The following SERPINB5 variants were observed in gnomAD, a reference collection of about 807,000 sequenced individuals.
The protein encoded by SERPINB5 is serpin family B member 5.
In SERPINB5, 27 loss-of-function variants were observed where a neutral mutation model predicts 32.2. That is an observed-to-expected ratio of 0.84 (90% CI 0.62 to 1.16). The LOEUF (loss-of-function observed/expected upper bound fraction) is 1.16, where lower values mean the gene tolerates loss of function less well. Ranked by LOEUF, SERPINB5 falls within the 50% of genes most tolerant of loss-of-function variation. SERPINB5 has a pLI of 0.00. For synonymous variants in SERPINB5, 154 were observed against 157.4 expected (o/e 0.98, Z 0.16); for missense variants, 388 against 436.3 (o/e 0.89, Z 0.99).
intron 2 of SERPINB5, 145 bp downstream of exon 2, chr18:63,484,741 C>CTTTTTT (rs869236018): frequency 0.011 from 1,147 of 108,070 alleles, 55 homozygotes; most frequent in African/African-American, 0.034. Flanking sequence ...CTCTCTTAAT[C>CTTTTTT]TTTTTTTTTT....
rs540907868 is a variant in SERPINB5 at position 63,498,411 on chromosome 18, G to A, written c.568-709G>A. On this transcript the variant is annotated intron_variant, in intron 5 of 6. Coordinates refer to ENST00000382771, the MANE Select transcript of SERPINB5 (RefSeq NM_002639.5). This position sits in a 1 kb window ranked among gnomAD's most constrained non-coding sequence, Gnocchi z 4.2. The stretch of plus-strand genomic sequence containing the variant: ...ATTAGGCATTTTATTAGGAAAAGCC[G>A]TATAAATGGTTATGTGGGTTTGCAG... Among the ~76,000 whole-genome samples, 21 of 152,254 alleles carry A rather than the reference G, an allele frequency of 1.4e-4. No homozygotes were observed. The South Asian group carries it at 2.5e-3, about 18-fold the overall frequency.
chr18:63,496,661 G>A (rs1285669688), intron 5 of SERPINB5, among the ~76,000 whole-genome samples: 3 of 152,210 alleles, frequency 2.0e-5, no homozygotes, highest in Non-Finnish European at 2.9e-5. Flanking sequence ...CAAGTTTACT[G>A]GAGTATTATC....
At chr18:63,481,519 G>T (rs367700207) in intron 1 of SERPINB5, among the ~76,000 whole-genome samples, 14 of 152,352 alleles carry the variant, frequency 9.2e-5, no homozygotes, top group East Asian at 5.8e-4. Context: ...TTATCAGTGC[G>T]ATTAGCTCTC....
chr18:63,493,141 G>A (rs372322068), intron 5 of SERPINB5, 46 bp downstream of exon 5: 2 of 1,612,998 alleles, frequency 1.2e-6, no homozygotes, highest in Non-Finnish European at 1.7e-6. Flanking sequence ...AATTATAGAT[G>A]TGAAAAATGA....
At chr18:63,493,342 C>A in intron 5 of SERPINB5, 4 of 577,118 alleles carry the variant, frequency 6.9e-6, no homozygotes, top group African/African-American at 1.9e-5. Flanking sequence ...AATTTGTAAC[C>A]CAGCGAGGAA....
intron 1 of SERPINB5, among the ~76,000 whole-genome samples, chr18:63,483,563 C>T (rs765824784): frequency 2.0e-5 from 3 of 152,182 alleles, no homozygotes; most frequent in Admixed American, 1.3e-4. Flanking sequence ...ATGACGATGT[C>T]GGCAGGGTCA....
intron 2 of SERPINB5, 99 bp from the exon 3 acceptor site, chr18:63,486,847 T>C (rs1421369269): frequency 1.6e-6 from 2 of 1,240,210 alleles, no homozygotes; most frequent in Middle Eastern, 2.0e-4. Flanking sequence ...GCAGGAGGAG[T>C]CTGTATGCCC....
chr18:63,491,408 A>ACCCCC (rs757436524), intron 4 of SERPINB5, among the ~76,000 whole-genome samples: 5 of 107,858 alleles, frequency 4.6e-5, no homozygotes, highest in Non-Finnish European at 9.6e-5. Flanking sequence ...GTCTCCCAAA[A>ACCCCC]AAAAAAAAAA....
intron 1 of SERPINB5, among the ~76,000 whole-genome samples, chr18:63,482,918 T>G (rs370891341): frequency 5.8e-5 from 8 of 138,268 alleles, no homozygotes; most frequent in African/African-American, 2.0e-4. Flanking sequence ...GTGATATTGT[T>G]TTTCATTTTT....
At position 63,489,428 on chromosome 18, in the gene SERPINB5, G is replaced by C. The variant is rs374983437; in HGVS notation, c.388G>C (p.Gly130Arg). Residue 130 changes from glycine (G) to arginine (R), a missense_variant, in exon 4 of 7, where the codon GGT (glycine) becomes CGT (arginine). Physicochemically the swap from Gly to Arg is moderately radical, Grantham distance 125 (BLOSUM62 -2). Transcript: ENST00000382771. ...DFKDKLEETK[G>R]QINNSIKDLT... ...CAAAGATAAATTGGAAGAAACGAAA[G>C]GTCAGATCAACAACTCAATTAAGGA... is the stretch of plus-strand genomic sequence containing the variant. The C allele has an allele frequency of 1.9e-5, 31 of 1,612,502 alleles. No homozygotes were observed. Among genetic ancestry groups the C allele is most frequent in the African/African-American group, 4.0e-5 (3 of 74,834 alleles).
rs554945983 is a variant in SERPINB5, at chr18:63,486,434, GAT to G, written c.169-511_169-510del. 1.4e-4 allele frequency among the ~76,000 whole-genome samples: 21 copies of G among 152,358 alleles called. No homozygotes were observed. The South Asian group carries it at 4.1e-3, about 30-fold the overall frequency. On this transcript the variant is annotated intron_variant, in intron 2 of 6. Coordinates refer to ENST00000382771, the MANE Select transcript of SERPINB5 (RefSeq NM_002639.5). ...TTGTCCTGAAATCTGATTCCTGCCT[GAT>G]GATGGTGTCTCTTGTATCAATCTCT...
intron 5 of SERPINB5, among the ~76,000 whole-genome samples, chr18:63,494,339 A>G (rs1206993053): frequency 1.3e-5 from 2 of 151,526 alleles, no homozygotes; most frequent in Non-Finnish European, 2.9e-5. Flanking sequence ...AAAAAAAAAA[A>G]AAAAAAGAAA....
At chr18:63,489,249 A>T (rs1599389447) in intron 3 of SERPINB5, 98 bp from the exon 4 acceptor site, 2 of 674,598 alleles carry the variant, frequency 3.0e-6, no homozygotes, top group East Asian at 5.4e-5. Context: ...GAAAGTGTAC[A>T]TATAGCAGTT....
intron 5 of SERPINB5, chr18:63,497,073 T>C (rs751666967): frequency 5.1e-6 from 3 of 582,914 alleles, no homozygotes; most frequent in Non-Finnish European, 9.9e-6. Context: ...GTCTGCCTCC[T>C]TCTTGAATAG....
chr18:63,490,054 T>G (rs2065961594), intron 4 of SERPINB5, among the ~76,000 whole-genome samples: 1 of 151,940 alleles, frequency 6.6e-6, no homozygotes, highest in African/African-American at 2.4e-5. Flanking sequence ...TAGCCGGGCG[T>G]GGTGGCGGGC....
rs565968236 is a variant in SERPINB5 at position 63,503,468 on chromosome 18, G to A, written c.874G>A (p.Gly292Arg). ...TCCCAAGGCTTGTCTGGAAAATCTA[G>A]GGCTGAAACATATCTTCAGTGAAGA... ...IDPKACLENL[G>R]LKHIFSEDTS... Residue 292 changes from glycine (G) to arginine (R), a missense_variant, in exon 7 of 7, where the codon GGG (glycine) becomes AGG (arginine). By Grantham distance (125) the Gly-to-Arg change is moderately radical. Coordinates refer to ENST00000382771, the MANE Select transcript of SERPINB5 (RefSeq NM_002639.5). 29 of 1,614,084 alleles carry A rather than the reference G, an allele frequency of 1.8e-5. No homozygotes were observed. Among genetic ancestry groups the A allele is most frequent in the Non-Finnish European group, 2.5e-5 (29 of 1,180,048 alleles).
rs1371005261 is a variant in SERPINB5 at position 63,497,417 on chromosome 18, C to G, written c.568-1703C>G. ...GCCATGTGAAGCTCTGTGGGGGTCA[C>G]CTGCCTGTCCCTGCTGCTGCGGCTG... On this transcript the variant is annotated intron_variant, in intron 5 of 6. Transcript: ENST00000382771. 4.3e-5 allele frequency: 41 copies of G among 960,292 alleles called. No individual in the cohort carries two copies. In the South Asian group the frequency reaches 4.8e-4, roughly 11 times the overall value. 59.5% of individuals were successfully genotyped at this position (960,292 alleles called of 1,614,324 possible).
At chr18:63,485,958 T>C (rs1214893081) in intron 2 of SERPINB5, 1 of 152,098 alleles carries the variant, frequency 6.6e-6, no homozygotes, top group Non-Finnish European at 1.5e-5. Context: ...ACATTACATG[T>C]TGTGGTGTTG....
chr18:63,491,088 C>T (rs1909323003), intron 4 of SERPINB5, among the ~76,000 whole-genome samples: 1 of 152,124 alleles, frequency 6.6e-6, no homozygotes, highest in South Asian at 2.1e-4. Context: ...GTTTTCCATT[C>T]CTAAGTTACT....
Sources: gnomAD v4.1 joint callset for allele counts (sites outside exome capture counted in the v4.1 genomes callset) on GRCh38, gnomAD v4.1.1 for gene constraint, Gnocchi (gnomAD v3.1) non-coding constraint, MANE v1.5 for transcripts, NCBI Gene and HGNC (gene_info 2026-07-23, HGNC 2026-07-21) for gene names.